Variants in PHACTR1 observed in about 807,000 individuals in gnomAD.
PHACTR1 encodes the protein phosphatase and actin regulator 1, also known as RPEL repeat containing 1.
In PHACTR1, 16 loss-of-function variants were observed where a neutral mutation model predicts 69.2. The ratio of observed to expected loss-of-function variants is 0.23; its 90% CI spans 0.16 to 0.35. The LOEUF is 0.35. Ranked by LOEUF, PHACTR1 falls within the 10% of genes least tolerant of loss-of-function variation. The pLI, the probability that PHACTR1 is intolerant of heterozygous loss-of-function variation, is 1.00. For synonymous variants in PHACTR1, 312 were observed against 284.5 expected (o/e 1.10, Z -0.97); for missense variants, 510 against 734.7 (o/e 0.69, Z 3.54).
chr6:13,239,249 G>A (rs576232878), intron 10 of PHACTR1, among the ~76,000 whole-genome samples: 3 of 152,348 alleles, frequency 2.0e-5, no homozygotes, highest in African/African-American at 7.2e-5. Context: ...ATTGTGTGTT[G>A]GGAGCAAGTC....
intron 4 of PHACTR1, among the ~76,000 whole-genome samples, chr6:12,842,085 A>G (rs1450708679): frequency 1.3e-5 from 2 of 152,188 alleles, no homozygotes; most frequent in African/African-American, 2.4e-5. Flanking sequence ...TAAGGCATAT[A>G]TAAATAAAAT....
chr6:13,134,514 A>G (rs1335908151), intron 5 of PHACTR1, among the ~76,000 whole-genome samples: 1 of 152,118 alleles, frequency 6.6e-6, no homozygotes, highest in East Asian at 1.9e-4. Context: ...GCTCTCTGAA[A>G]CATGTGCTGT....
chr6:13,080,380 A>C (rs1198286019), intron 5 of PHACTR1, among the ~76,000 whole-genome samples: 2 of 152,154 alleles, frequency 1.3e-5, no homozygotes, highest in Non-Finnish European at 2.9e-5. Flanking sequence ...ACCCTATTGA[A>C]GTTTTTACCC....
At chr6:13,001,757 T>C (rs931098339) in intron 4 of PHACTR1, among the ~76,000 whole-genome samples, 6 of 152,234 alleles carry the variant, frequency 3.9e-5, no homozygotes, top group African/African-American at 1.4e-4. Context: ...CTCACTTTGG[T>C]GTGAAAGCTT....
Position 12,792,526 on chromosome 6 carries a change from A to G in PHACTR1, c.250+42736A>G, listed in dbSNP as rs537657520. The stretch of plus-strand genomic sequence containing the variant: ...TCTGACATCATCCTGAAAAAATAAA[A>G]ATATATAGAGTGGTTTTATTACTAA... On this transcript the variant is annotated intron_variant, in intron 4 of 14. Coordinates refer to ENST00000332995, the MANE Select transcript of PHACTR1 (RefSeq NM_030948.6). Among the ~76,000 whole-genome samples, 6 of 151,386 alleles carry G rather than the reference A, an allele frequency of 4.0e-5. No homozygotes were observed. The South Asian group carries it at 6.2e-4, about 16-fold the overall frequency.
At chr6:12,930,304 C>T (rs917961194) in intron 4 of PHACTR1, among the ~76,000 whole-genome samples, 3 of 152,082 alleles carry the variant, frequency 2.0e-5, no homozygotes. Flanking sequence ...CTTGGCCTCC[C>T]GAAATGCTGA....
chr6:13,064,610 A>ATATATATATATATC (rs1808313715), intron 5 of PHACTR1, among the ~76,000 whole-genome samples: 1 of 9,270 alleles, frequency 1.1e-4, no homozygotes, highest in Non-Finnish European at 1.9e-4. Context: ...ATATATCTAT[A>ATATATATATATATC]TATCTATCTA....
At chr6:12,865,248 G>C (rs1781338339) in intron 4 of PHACTR1, among the ~76,000 whole-genome samples, 1 of 152,186 alleles carries the variant, frequency 6.6e-6, no homozygotes, top group Non-Finnish European at 1.5e-5. Context: ...GAAGGATAAA[G>C]ACCACTGATA....
rs190367947 is a variant in PHACTR1 at position 12,721,156 on chromosome 6, C to T, written c.103+2309C>T. Among the ~76,000 whole-genome samples the T allele has an allele frequency of 3.3e-5, 5 of 152,232 alleles. No individual in the cohort carries two copies. The East Asian group carries it at 7.7e-4, about 24-fold the overall frequency. On this transcript the variant is annotated intron_variant, in intron 3 of 14. Transcript: ENST00000332995. ...ATCCCAACACTTTGGGAAGCCGAGGCGGGTGGATCACTGGAGGTCAGGAGT... is the reference window on the plus strand; with the variant it reads ...ATCCCAACACTTTGGGAAGCCGAGGTGGGTGGATCACTGGAGGTCAGGAGT...
intron 4 of PHACTR1, among the ~76,000 whole-genome samples, chr6:13,004,670 C>T (rs529625222): frequency 1.8e-4 from 28 of 152,274 alleles, no homozygotes; most frequent in African/African-American, 6.5e-4. Flanking sequence ...TTTTAAGCCC[C>T]ACATGCATTA....
intron 5 of PHACTR1, among the ~76,000 whole-genome samples, chr6:13,121,307 G>A (rs1818691763): frequency 6.6e-6 from 1 of 152,092 alleles, no homozygotes; most frequent in South Asian, 2.1e-4. Context: ...GGCTGCCTGG[G>A]TCCAACTCCC....
chr6:13,022,451 AAAATC>A (rs893398998), intron 4 of PHACTR1, among the ~76,000 whole-genome samples: 1 of 152,236 alleles, frequency 6.6e-6, no homozygotes, highest in Admixed American at 6.5e-5. Context: ...TGGCTGGAGA[AAAATC>A]AAAAGAAGGA....
chr6:13,252,655 TTTG>T (rs1240569631), intron 10 of PHACTR1, among the ~76,000 whole-genome samples: 2 of 151,964 alleles, frequency 1.3e-5, no homozygotes, highest in Non-Finnish European at 2.9e-5. Context: ...GAGGGGTCTC[TTTG>T]TTGTTGTGTC....
At chr6:13,178,580 G>A (rs117844525) in intron 6 of PHACTR1, among the ~76,000 whole-genome samples, 41 of 152,282 alleles carry the variant, frequency 2.7e-4, no homozygotes, top group East Asian at 1.9e-3. Flanking sequence ...AGCCTCCAGC[G>A]GGTTGCTATG....
intron 4 of PHACTR1, among the ~76,000 whole-genome samples, chr6:13,037,278 C>A (rs1186411011): frequency 3.9e-5 from 6 of 152,086 alleles, no homozygotes; most frequent in Admixed American, 3.9e-4. Context: ...TGTGAGAAAG[C>A]CATTCTTAGA....
At chr6:13,073,941 C>T (rs1046891703) in intron 5 of PHACTR1, among the ~76,000 whole-genome samples, 1 of 151,042 alleles carries the variant, frequency 6.6e-6, no homozygotes, top group Admixed American at 6.6e-5. Context: ...GGTGCAATCT[C>T]GGCTCACTGC....
intron 4 of PHACTR1, chr6:12,957,938 C>T: frequency 1.0e-6 from 1 of 985,178 alleles, no homozygotes; most frequent in Non-Finnish European, 1.2e-6. Context: ...CTTGAGGAGA[C>T]TGTTGCTCAA....
chr6:13,202,949 C>T (rs1765429039), intron 7 of PHACTR1, among the ~76,000 whole-genome samples: 2 of 152,228 alleles, frequency 1.3e-5, no homozygotes, highest in South Asian at 4.1e-4. Context: ...ACAGGACAAG[C>T]CCTCAGGAAT....
chr6:13,018,141 G>A (rs559000723), intron 4 of PHACTR1, among the ~76,000 whole-genome samples: 6 of 152,220 alleles, frequency 3.9e-5, no homozygotes, highest in African/African-American at 1.4e-4. Context: ...TGACTGTAGA[G>A]TTCATCCATT....
Sources: gnomAD v4.1 joint callset for allele counts (sites outside exome capture counted in the v4.1 genomes callset) on GRCh38, gnomAD v4.1.1 for gene constraint, MANE v1.5 for transcripts, NCBI Gene and HGNC (gene_info 2026-07-23, HGNC 2026-07-21) for gene names.